The following CCDC178 variants were observed in gnomAD, a reference collection of about 807,000 sequenced individuals.
CCDC178 encodes coiled-coil domain containing 178.
In CCDC178, 126 loss-of-function variants were observed where a neutral mutation model predicts 117.4. The ratio of observed to expected loss-of-function variants is 1.07; its 90% CI spans 0.93 to 1.24. CCDC178 has a LOEUF of 1.24. CCDC178 is among the 50% of genes most tolerant of loss of function. The pLI is 0.00. For missense variants in CCDC178, 1,030 were observed against 986.9 expected, an observed-to-expected ratio of 1.04 and a Z score of -0.59; for synonymous variants, 283 against 313.4, an observed-to-expected ratio of 0.90 and a Z score of 1.02.
At chr18:33,437,262 A>C (rs1428618513) in intron 2 of CCDC178, among the ~76,000 whole-genome samples, 1 of 152,214 alleles carries the variant, frequency 6.6e-6, no homozygotes, top group Non-Finnish European at 1.5e-5. Context: ...ACACAAAGAA[A>C]ATTTTTAAAG....
chr18:33,339,074 G>T (rs952345833), intron 9 of CCDC178, among the ~76,000 whole-genome samples: 1 of 151,924 alleles, frequency 6.6e-6, no homozygotes, highest in Non-Finnish European at 1.5e-5. Flanking sequence ...TGGCATATGA[G>T]CATTTATAAA....
At chr18:32,987,628 T>G (rs1367994020) in intron 21 of CCDC178, among the ~76,000 whole-genome samples, 1 of 152,116 alleles carries the variant, frequency 6.6e-6, no homozygotes, top group Non-Finnish European at 1.5e-5. Context: ...TTATATACAT[T>G]AAAACATAAA....
chr18:33,303,085 T>C (rs2062199452), intron 11 of CCDC178, among the ~76,000 whole-genome samples: 1 of 152,190 alleles, frequency 6.6e-6, no homozygotes, highest in Non-Finnish European at 1.5e-5. Flanking sequence ...AATTACTGTA[T>C]ATATTATGTG....
At chr18:33,008,898 C>T (rs1380409563) in intron 21 of CCDC178, among the ~76,000 whole-genome samples, 1 of 152,092 alleles carries the variant, frequency 6.6e-6, no homozygotes, top group Non-Finnish European at 1.5e-5. Flanking sequence ...AACTACCTGA[C>T]ATCTTCACCT....
At chr18:33,151,504 T>TTA in intron 20 of CCDC178, among the ~76,000 whole-genome samples, 1 of 149,776 alleles carries the variant, frequency 6.7e-6, no homozygotes, top group Non-Finnish European at 1.5e-5. Context: ...ATAGTTAACA[T>TTA]TCTCAAAGAG....
chr18:33,365,507 G>C (rs1354548204), intron 6 of CCDC178, among the ~76,000 whole-genome samples: 2 of 152,050 alleles, frequency 1.3e-5, no homozygotes, highest in East Asian at 3.9e-4. Context: ...TGGAAATAAT[G>C]GCAGTTTCTA....
chr18:33,062,607 T>C (rs930846863), intron 21 of CCDC178, among the ~76,000 whole-genome samples: 1 of 152,148 alleles, frequency 6.6e-6, no homozygotes, highest in Non-Finnish European at 1.5e-5. Context: ...AGTTTCACCA[T>C]GAATTCTGCA....
chr18:33,200,706 C>T (rs771641261), intron 20 of CCDC178, among the ~76,000 whole-genome samples: 11 of 152,142 alleles, frequency 7.2e-5, no homozygotes, highest in Non-Finnish European at 1.3e-4. Context: ...TACTCATCTT[C>T]GCAAGTTTTT....
chr18:33,302,884 CAG>C (rs957797051), intron 11 of CCDC178, among the ~76,000 whole-genome samples: 2 of 151,948 alleles, frequency 1.3e-5, no homozygotes, highest in Admixed American at 6.6e-5. Context: ...GGGGGATAGA[CAG>C]AGATTTTTCA....
At chr18:33,399,018 G>A (rs2063676050) in intron 3 of CCDC178, among the ~76,000 whole-genome samples, 1 of 152,134 alleles carries the variant, frequency 6.6e-6, no homozygotes, top group African/African-American at 2.4e-5. Flanking sequence ...TGACCAACAA[G>A]GTGAATCCCT....
intron 12 of CCDC178, among the ~76,000 whole-genome samples, chr18:33,282,138 T>A (rs967440797): frequency 1.3e-5 from 2 of 152,076 alleles, no homozygotes; most frequent in South Asian, 4.1e-4. Context: ...ACCACAACAG[T>A]TCCGGAGGAA....
chr18:33,258,185 T>C (rs771861997), intron 14 of CCDC178, among the ~76,000 whole-genome samples: 1 of 152,192 alleles, frequency 6.6e-6, no homozygotes, highest in South Asian at 2.1e-4. Context: ...TATAAGATTA[T>C]GAAAATGCCT....
At chr18:33,044,611 G>A (rs2056609449) in intron 21 of CCDC178, among the ~76,000 whole-genome samples, 1 of 152,062 alleles carries the variant, frequency 6.6e-6, no homozygotes, top group African/African-American at 2.4e-5. Context: ...ATGAAAAGCA[G>A]TATAGAGATT....
At chr18:33,318,003 A>G (rs147690327) in intron 11 of CCDC178, among the ~76,000 whole-genome samples, 1 of 152,114 alleles carries the variant, frequency 6.6e-6, no homozygotes, top group African/African-American at 2.4e-5. Context: ...CAACCGGAAG[A>G]AGGCATAGGA....
chr18:33,321,390 G>A (rs1018395960), intron 11 of CCDC178, among the ~76,000 whole-genome samples: 1 of 152,066 alleles, frequency 6.6e-6, no homozygotes, highest in African/African-American at 2.4e-5. Context: ...AATCTTAGAT[G>A]AAAAGCCTAA....
chr18:32,945,427 T>A (rs1280863980), intron 22 of CCDC178, among the ~76,000 whole-genome samples: 2 of 152,228 alleles, frequency 1.3e-5, no homozygotes, highest in Admixed American at 1.3e-4. Flanking sequence ...TACAAAACAA[T>A]TTAGCATTGC....
intron 21 of CCDC178, among the ~76,000 whole-genome samples, chr18:32,996,883 A>G (rs1568206785): frequency 6.6e-6 from 1 of 152,170 alleles, no homozygotes; most frequent in Admixed American, 6.6e-5. Flanking sequence ...AAAAAAGAAT[A>G]CCTCAACAGA....
At chr18:33,315,039 G>A (rs1235353105) in intron 11 of CCDC178, among the ~76,000 whole-genome samples, 1 of 151,990 alleles carries the variant, frequency 6.6e-6, no homozygotes, top group African/African-American at 2.4e-5. Flanking sequence ...GGAATAAAAG[G>A]CAATTAGGCT....
chr18:33,410,598 G>A (rs1290372814), intron 3 of CCDC178, among the ~76,000 whole-genome samples: 12 of 152,076 alleles, frequency 7.9e-5, no homozygotes, highest in African/African-American at 2.4e-4. Context: ...CCTTATTCAC[G>A]TTTGGAATTA....
Sources: allele counts gnomAD v4.1 joint callset (sites outside exome capture counted in the v4.1 genomes callset), GRCh38; gene constraint gnomAD v4.1.1; transcripts MANE v1.5; gene names NCBI Gene and HGNC (gene_info 2026-07-23, HGNC 2026-07-21).